ZNF518A: variants seen among roughly 807,000 people sequenced by gnomAD.
ZNF518A encodes the protein zinc finger protein 518A, also known as zinc finger protein 518.
A neutral mutation model predicts 102.7 loss-of-function variants in ZNF518A; 47 were observed. That is an observed-to-expected ratio of 0.46 (90% confidence interval 0.36 to 0.58). The LOEUF is 0.58. ZNF518A is among the 20% of genes least tolerant of loss of function. The pLI, the probability that ZNF518A is intolerant of heterozygous loss-of-function variation, is 0.00. For missense variants in ZNF518A, 1,793 were observed against 1,699.8 expected (o/e 1.05, Z -0.96); for synonymous variants, 652 against 594.6 (o/e 1.10, Z -1.40).
At chr10:96,154,397 T>C (rs2082596900) in intron 3 of ZNF518A, among the ~76,000 whole-genome samples, 1 of 152,094 alleles carries the variant, frequency 6.6e-6, no homozygotes, top group African/African-American at 2.4e-5. Flanking sequence ...CTTCCTTCTT[T>C]CGTTTCTTTC....
At chr10:96,175,528 G>A (rs992006935) in intron 1 of ZNF518A, among the ~76,000 whole-genome samples, 1 of 152,184 alleles carries the variant, frequency 6.6e-6, no homozygotes, top group Non-Finnish European at 1.5e-5. Context: ...AAAATTTAAA[G>A]GAGAGGAAGG....
chr10:96,204,703 A>G, downstream of ZNF518A: 2 of 1,235,972 alleles, frequency 1.6e-6, no homozygotes, highest in Non-Finnish European at 2.4e-6. Context: ...AGAAGAACCA[A>G]ATTTGATCAG....
In ZNF518A at chr10:96,156,205, T is replaced by C; in HGVS notation, c.-118T>C. ...TCTTTGTTTAATTTTAGGTGAGTTA[T>C]TGTGGGAAAAATCCTGTATATTGAA... On this transcript the variant is annotated 5_prime_UTR_variant, in exon 6 of 6. Coordinates refer to ENST00000316045, the MANE Select transcript of ZNF518A (RefSeq NM_001330736.2). 2 of 898,028 alleles carry C rather than the reference T, an allele frequency of 2.2e-6. No individual in the cohort carries two copies. The allele number at this position is 898,028 out of a possible 1,614,324, so 55.6% of individuals were successfully genotyped here.
downstream of ZNF518A, among the ~76,000 whole-genome samples, chr10:96,167,701 A>G (rs1245116476): frequency 2.0e-5 from 3 of 152,220 alleles, no homozygotes; most frequent in Admixed American, 2.0e-4. Context: ...TGCAATCTGA[A>G]ACAAAAAGTT....
intron 1 of ZNF518A, among the ~76,000 whole-genome samples, chr10:96,189,128 T>C (rs1554892917): frequency 6.6e-6 from 1 of 152,244 alleles, no homozygotes; most frequent in East Asian, 1.9e-4. Context: ...TACTACTATG[T>C]CCTATCATAA....
intron 3 of ZNF518A, among the ~76,000 whole-genome samples, chr10:96,137,635 A>G (rs1448266991): frequency 6.6e-6 from 1 of 152,114 alleles, no homozygotes; most frequent in Non-Finnish European, 1.5e-5. Flanking sequence ...CTTATTGGTC[A>G]TTTCTTTTCT....
Position 96,157,659 on chromosome 10 carries a change from G to A in ZNF518A, c.1337G>A (p.Gly446Asp). The A allele has an allele frequency of 6.2e-7, 1 of 1,613,856 alleles. No homozygotes were observed. The highest frequency in any genetic ancestry group is 8.5e-7 in the Non-Finnish European group (1 of 1,179,784). The change falls in exon 6 of 6, where the codon GGC becomes GAC. Residue 446 changes from glycine to aspartate, a missense_variant. Coordinates refer to ENST00000316045, the MANE Select transcript of ZNF518A (RefSeq NM_001330736.2). ...VSPNYNATFM[G>D]FKMMDGKQHI... ...CCTAACTATAATGCTACGTTTATGG[G>A]CTTCAAGATGATGGATGGAAAACAG...
intron 3 of ZNF518A, among the ~76,000 whole-genome samples, chr10:96,144,642 G>A (rs2133398490): frequency 6.6e-6 from 1 of 152,208 alleles, no homozygotes; most frequent in Middle Eastern, 3.4e-3. Context: ...GTGTTACTAG[G>A]TCCATATGGT....
At chr10:96,179,857 CT>C (rs1554891839) in intron 1 of ZNF518A, among the ~76,000 whole-genome samples, 3 of 148,568 alleles carry the variant, frequency 2.0e-5, no homozygotes, top group African/African-American at 7.4e-5. Context: ...TTCTTTTCTT[CT>C]TTTTTTCTTC....
chr10:96,162,095 G>A lies in ZNF518A; in HGVS notation c.*1321G>A, dbSNP rs2083022256. ...GATTTTTTGTTACATTGTTACAAGT[G>A]TTAATGACATTTTCATTAATGGATG... On this transcript the variant is annotated 3_prime_UTR_variant, in exon 6 of 6. Transcript: ENST00000316045. 1 of 166,896 alleles carries A rather than the reference G, an allele frequency of 6.0e-6. No individual in the cohort carries two copies. Among genetic ancestry groups the A allele is most frequent in the Non-Finnish European group, 1.5e-5 (1 of 68,036 alleles). 10.3% of individuals were successfully genotyped at this position (166,896 alleles called of 1,614,324 possible). A position where few individuals can be genotyped will look rare whatever the true frequency, so the allele number is the denominator to read the frequency against.
At chr10:96,153,243 T>G (rs782734447) in intron 3 of ZNF518A, among the ~76,000 whole-genome samples, 1 of 152,230 alleles carries the variant, frequency 6.6e-6, no homozygotes, top group South Asian at 2.1e-4. Context: ...TTTTGTTCTG[T>G]CAAGGCCCCT....
intron 1 of ZNF518A, among the ~76,000 whole-genome samples, chr10:96,173,357 C>G (rs1353971894): frequency 6.6e-6 from 1 of 152,060 alleles, no homozygotes; most frequent in Non-Finnish European, 1.5e-5. Context: ...TGAATCTGAA[C>G]AAATCATTCT....
At chr10:96,165,178 C>T (rs1445188743), downstream of ZNF518A, among the ~76,000 whole-genome samples, 1 of 152,190 alleles carries the variant, frequency 6.6e-6, no homozygotes, top group African/African-American at 2.4e-5. Context: ...GGCTGGAGTG[C>T]AGTGGCACAG....
At position 96,157,582 on chromosome 10, in the gene ZNF518A, A is replaced by G. The variant is rs2082756776; in HGVS notation, c.1260A>G (p.Leu420=). 2 of 1,613,768 alleles carry G rather than the reference A, an allele frequency of 1.2e-6. No individual in the cohort carries two copies. Among genetic ancestry groups the G allele is most frequent in the South Asian group, 1.1e-5 (1 of 91,076 alleles). Residue 420 remains leucine, a synonymous_variant, in exon 6 of 6, where the codon CTA becomes CTG. Coordinates refer to ENST00000316045, the MANE Select transcript of ZNF518A (RefSeq NM_001330736.2). ...ASSGFMKTAV[L]GPTLKNVMMK... is the part of the protein sequence containing the mutation. ...CAGGTTTCATGAAGACTGCTGTACT[A>G]GGACCTACACTGAAAAATGTAATGA...
At chr10:96,175,619 C>T (rs587742808) in intron 1 of ZNF518A, among the ~76,000 whole-genome samples, 8 of 152,170 alleles carry the variant, frequency 5.3e-5, no homozygotes, top group South Asian at 2.1e-4. Flanking sequence ...GAGTGGAAGC[C>T]ACATTGGTTA....
downstream of ZNF518A, chr10:96,204,503 A>G (rs947156999): frequency 3.7e-6 from 6 of 1,606,508 alleles, no homozygotes; most frequent in Admixed American, 5.0e-5. Flanking sequence ...AACAAGAGGA[A>G]ACTGATCTTT....
chr10:96,134,285 C>T (rs1412684812), intron 3 of ZNF518A, among the ~76,000 whole-genome samples: 2 of 152,210 alleles, frequency 1.3e-5, no homozygotes, highest in African/African-American at 4.8e-5. Context: ...GGCTGGAGTG[C>T]AGTGGCGCGA....
In ZNF518A at chr10:96,159,149, A is replaced by G. The variant is rs782574705; in HGVS notation, c.2827A>G (p.Asn943Asp). 6.2e-7 allele frequency: 1 copy of G among 1,613,582 alleles called. No homozygotes were observed. Among genetic ancestry groups the G allele is most frequent in the Non-Finnish European group, 8.5e-7 (1 of 1,179,716 alleles). ...TTCAAAAGGATTCTTAATACCATTG[A>G]ACATTACTAACAAGCCTGGGCTACC... ...QTSKGFLIPL[N>D]ITNKPGLPVI... Residue 943 changes from asparagine (N) to aspartate (D), a missense_variant, in exon 6 of 6, where the codon AAC becomes GAC. Coordinates refer to ENST00000316045, the MANE Select transcript of ZNF518A (RefSeq NM_001330736.2).
chr10:96,135,344 A>C (rs1554874031), intron 3 of ZNF518A: 2 of 152,170 alleles, frequency 1.3e-5, no homozygotes, highest in African/African-American at 2.4e-5. Flanking sequence ...TGTCCTTCTC[A>C]GTCCTTGTGC....
Sources: allele counts gnomAD v4.1 joint callset (sites outside exome capture counted in the v4.1 genomes callset), GRCh38; gene constraint gnomAD v4.1.1; transcripts MANE v1.5; gene names NCBI Gene and HGNC (gene_info 2026-07-23, HGNC 2026-07-21).